ASPA: variants seen among roughly 807,000 people sequenced by gnomAD.
ASPA encodes ACY-2.
Under a neutral mutation model 29.6 loss-of-function variants are expected in ASPA, and 25 were observed. The observed-to-expected ratio is 0.85, with a 90% CI of 0.62 to 1.18. The LOEUF is 1.18. Ranked by LOEUF, ASPA falls within the 50% of genes most tolerant of loss-of-function variation. ASPA has a pLI of 0.00. For synonymous variants in ASPA, 131 were observed against 130.3 expected (o/e 1.01, Z -0.04); for missense variants, 333 against 385.7 (o/e 0.86, Z 1.14).
At chr17:3,498,173 G>A (rs1409948062) in intron 5 of ASPA, among the ~76,000 whole-genome samples, 1 of 152,158 alleles carries the variant, frequency 6.6e-6, no homozygotes, top group African/African-American at 2.4e-5. Context: ...ACGGTAGAAT[G>A]TCTTGCACAC....
At chr17:3,497,273 C>A (rs1212782608) in intron 5 of ASPA, among the ~76,000 whole-genome samples, 1 of 152,140 alleles carries the variant, frequency 6.6e-6, no homozygotes, top group Non-Finnish European at 1.5e-5. Flanking sequence ...TGGGGCAAGT[C>A]TCTGCCTGAA....
rs894680595 is a variant in ASPA, at chr17:3,499,327, G to A, written c.*239G>A. On this transcript the variant is annotated 3_prime_UTR_variant, in exon 6 of 6. Transcript: ENST00000263080. ...TATTTCTATATAGTTTATTATACAT[G>A]ATACTTGGGTAGCTCAACATTCTTA... 18 of 372,436 alleles carry A rather than the reference G, an allele frequency of 4.8e-5. No individual in the cohort carries two copies. Among genetic ancestry groups the A allele is most frequent in the Admixed American group, 1.7e-4 (4 of 23,808 alleles). The allele number at this position is 372,436 out of a possible 1,614,324, so 23.1% of individuals were successfully genotyped here. A position where few individuals can be genotyped will look rare whatever the true frequency, so the allele number is the denominator to read the frequency against.
At chr17:3,497,477 C>G (rs1238099758) in intron 5 of ASPA, among the ~76,000 whole-genome samples, 1 of 152,142 alleles carries the variant, frequency 6.6e-6, no homozygotes, top group Non-Finnish European at 1.5e-5. Context: ...AGTCAGAACT[C>G]ATAGAACTGC....
chr17:3,479,359 C>T (rs1453981412), intron 1 of ASPA, among the ~76,000 whole-genome samples: 1 of 152,130 alleles, frequency 6.6e-6, no homozygotes, highest in African/African-American at 2.4e-5. Flanking sequence ...TCGGGCGCGA[C>T]CTCAGGGGGT....
rs1456070872 is a variant in ASPA, at chr17:3,476,123, C to G, written c.-37C>G. 5.1e-6 allele frequency: 8 copies of G among 1,578,814 alleles called. No homozygotes were observed. Among genetic ancestry groups the G allele is most frequent in the African/African-American group, 2.7e-5 (2 of 74,180 alleles). On this transcript the variant is annotated 5_prime_UTR_variant, in exon 1 of 6. Transcript: ENST00000263080. ...AATCGAATTTCCTTTGATCTCTCTTCTGAATTGCAGAAATCAGATAAAAAC... is the reference window on the plus strand; with the variant it reads ...AATCGAATTTCCTTTGATCTCTCTTGTGAATTGCAGAAATCAGATAAAAAC...
chr17:3,503,240 A>G lies in ASPA; in HGVS notation c.*4152A>G, dbSNP rs1015446582. The G allele has an allele frequency of 6.6e-6, 1 of 152,184 alleles. No individual in the cohort carries two copies. The highest frequency in any genetic ancestry group is 2.4e-5 in the African/African-American group (1 of 41,434). The allele number at this position is 152,184 out of a possible 1,614,324, so 9.4% of individuals were successfully genotyped here. On this transcript the variant is annotated 3_prime_UTR_variant, in exon 6 of 6. Coordinates refer to ENST00000263080, the MANE Select transcript of ASPA (RefSeq NM_000049.4). ...GAATGAATGAATGAATAAATATTAT[A>G]TATTTATACATTTTCATTCTTCCAA...
intron 2 of ASPA, among the ~76,000 whole-genome samples, chr17:3,482,740 C>A (rs2073652234): frequency 6.6e-6 from 1 of 151,322 alleles, no homozygotes; most frequent in Admixed American, 6.6e-5. Context: ...GGGTAGTGGT[C>A]CTGGTAGGAG....
Position 3,483,579 on chromosome 17 carries a change from C to T in ASPA, c.513C>T (p.Ala171=), listed in dbSNP as rs1193959233. The T allele has an allele frequency of 2.5e-6, 4 of 1,612,990 alleles. No homozygotes were observed. The Admixed American group carries it at 5.0e-5, about 20-fold the overall frequency. Residue 171 remains alanine, a synonymous_variant, in exon 3 of 6, where the codon GCC becomes GCT. Transcript: ENST00000263080. ...SLKYATTRSI[A]KYPVGIEVGP... ...AATATGCGACCACTCGTTCCATAGCCAAGTATCCTGTGGGTAAGTCATAGT... is the reference window on the plus strand; with the variant it reads ...AATATGCGACCACTCGTTCCATAGCTAAGTATCCTGTGGGTAAGTCATAGT...
rs2073799953 is a variant in ASPA, at chr17:3,490,160, A to G, written c.634+818A>G. ...AAGAAAACACACCAAACTGATAACA[A>G]TAGTTACCGGGGACGGGAGGCAAAA... On this transcript the variant is annotated intron_variant, in intron 4 of 5. Coordinates refer to ENST00000263080, the MANE Select transcript of ASPA (RefSeq NM_000049.4). The surrounding 1 kb of genome is among the most constrained non-coding windows in gnomAD (Gnocchi z 4.6). Among the ~76,000 whole-genome samples the G allele has an allele frequency of 6.6e-6, 1 of 152,186 alleles. No homozygotes were observed. Among genetic ancestry groups the G allele is most frequent in the Non-Finnish European group, 1.5e-5 (1 of 68,030 alleles).
intron 5 of ASPA, among the ~76,000 whole-genome samples, chr17:3,495,117 T>C (rs1053456228): frequency 2.0e-4 from 30 of 149,728 alleles, no homozygotes; most frequent in African/African-American, 7.1e-4. Context: ...CTTGAGAGAA[T>C]GTAGGAGGTT....
chr17:3,495,583 T>C (rs2073895531), intron 5 of ASPA, among the ~76,000 whole-genome samples: 1 of 129,204 alleles, frequency 7.7e-6, no homozygotes, highest in Non-Finnish European at 1.7e-5. Flanking sequence ...TGTTTTTGTT[T>C]TTTGAGATGG....
At position 3,500,914 on chromosome 17, in the gene ASPA, T is replaced by C. The variant is rs112522909; in HGVS notation, c.*1826T>C. ...CATCTGTTTGCGGCATGGTTTACTGTATATTTTAAGCCCACTGTTGAGACC... is the reference window on the plus strand; with the variant it reads ...CATCTGTTTGCGGCATGGTTTACTGCATATTTTAAGCCCACTGTTGAGACC... On this transcript the variant is annotated 3_prime_UTR_variant, in exon 6 of 6. Transcript: ENST00000263080. 1.3e-5 allele frequency: 2 copies of C among 150,872 alleles called. No homozygotes were observed. The highest frequency in any genetic ancestry group is 2.9e-5 in the Non-Finnish European group (2 of 67,862). 9.3% of individuals were successfully genotyped at this position (150,872 alleles called of 1,614,324 possible).
At chr17:3,478,484 G>A (rs563693818) in intron 1 of ASPA, among the ~76,000 whole-genome samples, 3 of 152,232 alleles carry the variant, frequency 2.0e-5, no homozygotes, top group Admixed American at 6.5e-5. Flanking sequence ...CACAATTCAT[G>A]CTTATCTATT....
Position 3,490,593 on chromosome 17 carries a change from C to A in ASPA, c.634+1251C>A, listed in dbSNP as rs2073808556. Among the ~76,000 whole-genome samples, 1 of 152,086 alleles carries A rather than the reference C, an allele frequency of 6.6e-6. No homozygotes were observed. Among genetic ancestry groups the A allele is most frequent in the Non-Finnish European group, 1.5e-5 (1 of 68,036 alleles). On this transcript the variant is annotated intron_variant, in intron 4 of 5. Transcript: ENST00000263080. This position sits in a 1 kb window ranked among gnomAD's most constrained non-coding sequence, Gnocchi z 4.6. ...TTTTGTGCTTGGGAATCCTTTGACT[C>A]CAAAATCATGAAAACTGAAAATTTG...
intron 5 of ASPA, 22 bp from the exon 6 acceptor site, chr17:3,498,864 ATATTT>A (rs776283439): frequency 6.7e-7 from 1 of 1,492,070 alleles, no homozygotes; most frequent in Non-Finnish European, 8.9e-7. Flanking sequence ...CAAATATAAT[ATATTT>A]ATTTTGATTG....
At chr17:3,476,945 G>A (rs2073533695) in intron 1 of ASPA, among the ~76,000 whole-genome samples, 1 of 152,176 alleles carries the variant, frequency 6.6e-6, no homozygotes, top group Non-Finnish European at 1.5e-5. Flanking sequence ...CACGAGGTCA[G>A]GAGATCGAGA....
intron 4 of ASPA, among the ~76,000 whole-genome samples, chr17:3,492,871 T>C (rs1343017072): frequency 6.6e-6 from 1 of 152,156 alleles, no homozygotes; most frequent in African/African-American, 2.4e-5. Flanking sequence ...AAAGCCAGTG[T>C]AGACGGAAGA....
At chr17:3,479,267 C>G (rs1005744490) in intron 1 of ASPA, among the ~76,000 whole-genome samples, 1 of 152,214 alleles carries the variant, frequency 6.6e-6, no homozygotes, top group Non-Finnish European at 1.5e-5. Context: ...TTTTTGAAAA[C>G]TTCCAGACTT....
intron 1 of ASPA, among the ~76,000 whole-genome samples, chr17:3,477,459 C>G (rs534087361): frequency 6.6e-6 from 1 of 152,176 alleles, no homozygotes; most frequent in South Asian, 2.1e-4. Flanking sequence ...TTCTTTCTTT[C>G]TTTCTCTTTT....
Sources: gnomAD v4.1 joint callset for allele counts (sites outside exome capture counted in the v4.1 genomes callset) on GRCh38, gnomAD v4.1.1 for gene constraint, Gnocchi (gnomAD v3.1) non-coding constraint, MANE v1.5 for transcripts, NCBI Gene and HGNC (gene_info 2026-07-23, HGNC 2026-07-21) for gene names.